The following NGEF variants were observed in gnomAD, a reference collection of about 807,000 sequenced individuals.
NGEF encodes the protein ephexin-1.
In NGEF, 31 loss-of-function variants were observed where a neutral mutation model predicts 80.9. The ratio of observed to expected loss-of-function variants is 0.38; its 90% CI spans 0.29 to 0.52. NGEF has a LOEUF of 0.52. NGEF is among the 20% of genes least tolerant of loss of function. The pLI is 0.84. For missense variants in NGEF, 709 were observed against 926.2 expected, an observed-to-expected ratio of 0.77 and a Z score of 3.04; for synonymous variants, 371 against 370.2, an observed-to-expected ratio of 1.00 and a Z score of -0.03.
intron 9 of NGEF, among the ~76,000 whole-genome samples, chr2:232,886,440 G>A (rs375850418): frequency 6.4e-4 from 97 of 152,284 alleles, no homozygotes; most frequent in East Asian, 1.9e-4. Flanking sequence ...TGTGCCCTGC[G>A]AGTGTGCTGT....
At chr2:233,003,521 C>A (rs1425408711) in intron 1 of NGEF, among the ~76,000 whole-genome samples, 1 of 152,202 alleles carries the variant, frequency 6.6e-6, no homozygotes, top group Non-Finnish European at 1.5e-5. Flanking sequence ...CTCTAAGGCT[C>A]TTTCCTGGAG....
intron 3 of NGEF, among the ~76,000 whole-genome samples, chr2:232,958,335 T>C (rs1693874786): frequency 6.6e-6 from 1 of 152,106 alleles, no homozygotes; most frequent in Admixed American, 6.6e-5. Context: ...CCTGGTGACA[T>C]TGTGACCTCT....
intron 3 of NGEF, among the ~76,000 whole-genome samples, chr2:232,941,324 G>A (rs1181436068): frequency 1.3e-5 from 2 of 151,956 alleles, no homozygotes; most frequent in Non-Finnish European, 2.9e-5. Flanking sequence ...ACAACTCTAA[G>A]CCATAATTTC....
chr2:232,906,846 C>A (rs1158011781), intron 5 of NGEF, among the ~76,000 whole-genome samples: 4 of 151,696 alleles, frequency 2.6e-5, no homozygotes, highest in Non-Finnish European at 4.4e-5. Flanking sequence ...AAGAAAAATT[C>A]TTCTGCCTTG....
Position 232,974,793 on chromosome 2 carries a change from T to G in NGEF, c.98A>C (p.Glu33Ala), listed in dbSNP as rs750289776. 6.2e-6 allele frequency: 10 copies of G among 1,614,230 alleles called. No individual in the cohort carries two copies. The highest frequency in any genetic ancestry group is 7.6e-6 in the Non-Finnish European group (9 of 1,180,038). Reference protein sequence around the residue: ...TDNEPAKVKPELLPEKEETSQ... With the variant: ...TDNEPAKVKPALLPEKEETSQ... ...AGTCTCCTCTTTTTCTGGGAGTAAC[T>G]CAGGTTTCACCTTGGCTGGTTCATT... The change falls in exon 2 of 15, where the codon GAG (glutamate) becomes GCG (alanine). Residue 33 changes from glutamate (E) to alanine (A), a missense_variant. Physicochemically the swap from Glu to Ala is moderately radical, Grantham distance 107 (BLOSUM62 -1). Transcript: ENST00000264051.
intron 3 of NGEF, among the ~76,000 whole-genome samples, chr2:232,962,727 T>C (rs1360526513): frequency 6.6e-6 from 1 of 151,996 alleles, no homozygotes; most frequent in Non-Finnish European, 1.5e-5. Flanking sequence ...AAAATATGTG[T>C]AAAACATTTA....
At chr2:232,928,703 C>G (rs1693151151) in intron 3 of NGEF, among the ~76,000 whole-genome samples, 1 of 152,296 alleles carries the variant, frequency 6.6e-6, no homozygotes, top group South Asian at 2.1e-4. Flanking sequence ...AGGTCTTTCC[C>G]GGGCGAGTCT....
intron 3 of NGEF, among the ~76,000 whole-genome samples, chr2:232,965,324 T>A (rs575397927): frequency 6.6e-6 from 1 of 152,148 alleles, no homozygotes; most frequent in East Asian, 1.9e-4. Flanking sequence ...TGGACTTCAA[T>A]AGGAATGGAT....
At chr2:232,992,310 C>A (rs191555370) in intron 1 of NGEF, among the ~76,000 whole-genome samples, 2 of 151,940 alleles carry the variant, frequency 1.3e-5, no homozygotes, top group African/African-American at 4.8e-5. Flanking sequence ...GTAATCTCAG[C>A]ACTTTGGGGG....
intron 1 of NGEF, among the ~76,000 whole-genome samples, chr2:232,987,085 C>T (rs1225688190): frequency 3.9e-5 from 6 of 152,156 alleles, no homozygotes; most frequent in East Asian, 1.9e-4. Context: ...GGCATGACCT[C>T]GGCTCACTGC....
chr2:232,933,445 G>A (rs778342), intron 3 of NGEF, among the ~76,000 whole-genome samples: 8,463 of 152,184 alleles, frequency 0.056, 305 homozygotes, highest in Non-Finnish European at 0.083. Context: ...GATCCCACAA[G>A]CAGTCCCCTT....
chr2:232,957,446 C>T (rs1028275177), intron 3 of NGEF, among the ~76,000 whole-genome samples: 2 of 152,086 alleles, frequency 1.3e-5, no homozygotes, highest in African/African-American at 4.8e-5. Flanking sequence ...CCTCAGCCTC[C>T]CAAGTAGCTG....
intron 1 of NGEF, among the ~76,000 whole-genome samples, chr2:233,007,359 A>G (rs1290795729): frequency 2.6e-5 from 4 of 152,246 alleles, no homozygotes; most frequent in Non-Finnish European, 5.9e-5. Context: ...ATAATGGCCC[A>G]GCCTAGGTTT....
At chr2:232,958,850 C>T (rs1693888187) in intron 3 of NGEF, among the ~76,000 whole-genome samples, 1 of 152,170 alleles carries the variant, frequency 6.6e-6, no homozygotes, top group African/African-American at 2.4e-5. Flanking sequence ...GTTCTCATCT[C>T]ACGGCCAGTC....
chr2:232,953,318 A>G (rs2106307612), intron 3 of NGEF, among the ~76,000 whole-genome samples: 1 of 148,788 alleles, frequency 6.7e-6, no homozygotes, highest in Admixed American at 6.8e-5. Flanking sequence ...AAAAAAAAAA[A>G]AAGAAAAAGA....
intron 13 of NGEF, 101 bp downstream of exon 13, chr2:232,882,085 C>T (rs1360591420): frequency 1.8e-6 from 2 of 1,086,664 alleles, no homozygotes; most frequent in Non-Finnish European, 2.7e-6. Context: ...ACCACCAGCT[C>T]AGGGAGGGCT....
In NGEF at chr2:232,920,371, T is replaced by C; in HGVS notation, c.741A>G (p.Ser247=). The change falls in exon 5 of 15, where the codon TCA becomes TCG. Residue 247 remains serine (S), a synonymous_variant. Transcript: ENST00000264051. ...PQICLLSNPH[S]RFNLWQDLPE... Reference sequence around the variant, plus strand: ...GAAGATCCTGCCAGAGGTTGAACCTTGAGTGGGGGTTACTGAGCAGGCAGA... The same window carrying C: ...GAAGATCCTGCCAGAGGTTGAACCTCGAGTGGGGGTTACTGAGCAGGCAGA... 1 of 1,614,070 alleles carries C rather than the reference T, an allele frequency of 6.2e-7. No homozygotes were observed. The highest frequency in any genetic ancestry group is 8.5e-7 in the Non-Finnish European group (1 of 1,179,980).
At chr2:232,993,239 T>TTTATATATTATATATATAA (rs1694710913) in intron 1 of NGEF, among the ~76,000 whole-genome samples, 1 of 40,290 alleles carries the variant, frequency 2.5e-5, no homozygotes, top group African/African-American at 1.2e-4. Context: ...TATATATGTA[T>TTTATATATTATATATATAA]ATTTTCAGAT....
chr2:232,995,825 T>C (rs73107119), intron 1 of NGEF, among the ~76,000 whole-genome samples: 15,838 of 148,796 alleles, frequency 0.11, 2,799 homozygotes, highest in African/African-American at 0.37. Flanking sequence ...CACATGCATA[T>C]TGTGTATATG....
Sources: allele counts gnomAD v4.1 joint callset (sites outside exome capture counted in the v4.1 genomes callset), GRCh38; gene constraint gnomAD v4.1.1; transcripts MANE v1.5; gene names NCBI Gene and HGNC (gene_info 2026-07-23, HGNC 2026-07-21).